PTGFR: variants seen among roughly 807,000 people sequenced by gnomAD.
The protein encoded by PTGFR is prostaglandin F2-alpha receptor.
PTGFR carries 15 observed loss-of-function variants against 26.2 expected under a neutral mutation model. The ratio of observed to expected loss-of-function variants is 0.57; its 90% confidence interval spans 0.38 to 0.88. The LOEUF (loss-of-function observed/expected upper bound fraction) is 0.88. Ranked by LOEUF, PTGFR falls within the 40% of genes least tolerant of loss-of-function variation. The pLI, the probability that PTGFR is intolerant of heterozygous loss-of-function variation, is 0.00. For missense variants in PTGFR, 369 were observed against 427.2 expected, an observed-to-expected ratio of 0.86 and a Z score of 1.20; for synonymous variants, 165 against 151.1, an observed-to-expected ratio of 1.09 and a Z score of -0.68.
intron 2 of PTGFR, among the ~76,000 whole-genome samples, chr1:78,522,993 T>G (rs1270722310): frequency 6.6e-6 from 1 of 152,108 alleles, no homozygotes; most frequent in African/African-American, 2.4e-5. Context: ...TACTTTGTAA[T>G]CTTCTTTATT....
At chr1:78,517,825 G>A (rs957573422) in intron 2 of PTGFR, among the ~76,000 whole-genome samples, 1 of 152,142 alleles carries the variant, frequency 6.6e-6, no homozygotes, top group Non-Finnish European at 1.5e-5. Flanking sequence ...ATCATTTTGG[G>A]TGCTTTGTAG....
Position 78,492,856 on chromosome 1 carries a change from C to T in PTGFR, c.113C>T (p.Thr38Ile). ...GTATTTTTTTCAGTAATCTTCATGA[C>T]AGTGGGAATCTTGTCAAACAGCCTT... Reference protein sequence around the residue: ...LSVFFSVIFMTVGILSNSLAI... With the variant: ...LSVFFSVIFMIVGILSNSLAI... The change falls in exon 2 of 3, where the codon ACA becomes ATA. Residue 38 changes from threonine to isoleucine, a missense_variant. Coordinates refer to ENST00000370757, the MANE Select transcript of PTGFR (RefSeq NM_000959.4). 6.2e-7 allele frequency: 1 copy of T among 1,614,212 alleles called. No individual in the cohort carries two copies. Among genetic ancestry groups the T allele is most frequent in the South Asian group, 1.1e-5 (1 of 91,082 alleles).
chr1:78,523,499 A>G (rs1557656385), intron 2 of PTGFR, among the ~76,000 whole-genome samples: 1 of 152,102 alleles, frequency 6.6e-6, no homozygotes, highest in Non-Finnish European at 1.5e-5. Context: ...AAGAAGTCTG[A>G]GCTGAAGAAT....
At chr1:78,532,700 C>T (rs1370243064) in intron 2 of PTGFR, among the ~76,000 whole-genome samples, 5 of 151,072 alleles carry the variant, frequency 3.3e-5, no homozygotes, top group Non-Finnish European at 5.9e-5. Flanking sequence ...CCTGAGTAGC[C>T]GGGACTACAG....
At position 78,531,799 on chromosome 1, in the gene PTGFR, T is replaced by A. The variant is rs1346275525; in HGVS notation, c.799-4607T>A. ...AAGTGTAGGAGTCTCTTCCTAATGA[T>A]GTTCTACAAAGTAGAGGAGTAGGAT... On this transcript the variant is annotated intron_variant, in intron 2 of 2. Coordinates refer to ENST00000370757, the MANE Select transcript of PTGFR (RefSeq NM_000959.4). Among the ~76,000 whole-genome samples the A allele has an allele frequency of 4.6e-5, 7 of 152,262 alleles. No homozygotes were observed. The East Asian group carries it at 1.2e-3, about 25-fold the overall frequency.
intron 2 of PTGFR, among the ~76,000 whole-genome samples, chr1:78,500,766 G>T (rs954821704): frequency 6.6e-6 from 1 of 152,226 alleles, no homozygotes; most frequent in African/African-American, 2.4e-5. Flanking sequence ...TTGGTTTACA[G>T]TGTTATTTGA....
intron 2 of PTGFR, among the ~76,000 whole-genome samples, chr1:78,526,513 C>T (rs1650377503): frequency 6.6e-6 from 1 of 152,000 alleles, no homozygotes; most frequent in Non-Finnish European, 1.5e-5. Context: ...AACATTTTGT[C>T]CTAAATCTTC....
chr1:78,528,061 C>G (rs1322928), intron 2 of PTGFR, among the ~76,000 whole-genome samples: 1 of 151,900 alleles, frequency 6.6e-6, no homozygotes, highest in Non-Finnish European at 1.5e-5. Flanking sequence ...CAGATTGGCA[C>G]TGAACTTTGT....
chr1:78,527,941 G>A (rs532889566), intron 2 of PTGFR, among the ~76,000 whole-genome samples: 1 of 152,206 alleles, frequency 6.6e-6, no homozygotes, highest in Non-Finnish European at 1.5e-5. Flanking sequence ...GTTTAATGGA[G>A]TCATGGCATA....
intron 2 of PTGFR, among the ~76,000 whole-genome samples, chr1:78,498,279 A>G (rs1441915018): frequency 6.6e-6 from 1 of 152,198 alleles, no homozygotes; most frequent in African/African-American, 2.4e-5. Context: ...ATGGAAATCT[A>G]TGTATGTGTC....
intron 2 of PTGFR, among the ~76,000 whole-genome samples, chr1:78,499,566 T>C (rs1557648361): frequency 6.6e-6 from 1 of 152,244 alleles, no homozygotes; most frequent in Admixed American, 6.5e-5. Context: ...GGTCAGGACC[T>C]GGTTGATAGC....
Position 78,540,146 on chromosome 1 carries a change from A to G in PTGFR, c.*3459A>G, listed in dbSNP as rs931461152. The stretch of plus-strand genomic sequence containing the variant: ...ACTCAGAGAACTCAGGTGAAAAAAC[A>G]GCCACCATTATATGTGGCTGTTTCT... On this transcript the variant is annotated 3_prime_UTR_variant, in exon 3 of 3. Transcript: ENST00000370757. Among the ~76,000 whole-genome samples the G allele has an allele frequency of 2.0e-5, 3 of 152,132 alleles. No individual in the cohort carries two copies. Among genetic ancestry groups the G allele is most frequent in the African/African-American group, 7.2e-5 (3 of 41,446 alleles).
rs1649460416 is a variant in PTGFR, at chr1:78,493,250, G to T, written c.507G>T (p.Leu169=). Residue 169 remains leucine (L), a synonymous_variant, in exon 2 of 3, where the codon CTG becomes CTT. Transcript: ENST00000370757. The part of the protein sequence containing the change: ...VCLFAVFIAL[L]PILGHRDYKI... The stretch of plus-strand genomic sequence containing the variant: ...TGTTTGCTGTTTTCATAGCTTTGCT[G>T]CCCATCCTTGGACATCGAGACTATA... The T allele has an allele frequency of 1.2e-6, 2 of 1,614,106 alleles. No homozygotes were observed. Among genetic ancestry groups the T allele is most frequent in the African/African-American group, 1.3e-5 (1 of 75,010 alleles).
chr1:78,524,507 CT>C (rs1650321551), intron 2 of PTGFR, among the ~76,000 whole-genome samples: 2 of 152,156 alleles, frequency 1.3e-5, no homozygotes. Context: ...ACATTAAGTT[CT>C]ATTTCAATGA....
intron 2 of PTGFR, among the ~76,000 whole-genome samples, chr1:78,512,304 A>G (rs1649991135): frequency 6.6e-6 from 1 of 152,194 alleles, no homozygotes; most frequent in Admixed American, 6.5e-5. Flanking sequence ...CTATAAATAA[A>G]TACCTGAGAC....
At chr1:78,533,364 C>T (rs1650568048) in intron 2 of PTGFR, among the ~76,000 whole-genome samples, 1 of 152,090 alleles carries the variant, frequency 6.6e-6, no homozygotes, top group Non-Finnish European at 1.5e-5. Context: ...TAATAACATC[C>T]CTAAGTAATT....
At chr1:78,532,312 C>T (rs913666780) in intron 2 of PTGFR, 5 of 220,822 alleles carry the variant, frequency 2.3e-5, no homozygotes, top group Admixed American at 5.8e-5. Flanking sequence ...CTGGCTCAGA[C>T]GTGACACCTG....
Position 78,492,905 on chromosome 1 carries a change from A to G in PTGFR, c.162A>G (p.Ala54=). Reference sequence around the variant, plus strand: ...TTGCCATCGCCATTCTCATGAAGGCATATCAGAGATTTAGACAGAAGTCCA... The same window carrying G: ...TTGCCATCGCCATTCTCATGAAGGCGTATCAGAGATTTAGACAGAAGTCCA... The part of the protein sequence containing the change: ...NSLAIAILMK[A]YQRFRQKSKA... The change falls in exon 2 of 3, where the codon GCA becomes GCG. Residue 54 remains alanine, a synonymous_variant. Transcript: ENST00000370757. The G allele has an allele frequency of 3.1e-6, 5 of 1,614,246 alleles. No individual in the cohort carries two copies. Among genetic ancestry groups the G allele is most frequent in the African/African-American group, 2.7e-5 (2 of 75,070 alleles).
intron 2 of PTGFR, among the ~76,000 whole-genome samples, chr1:78,498,825 A>T (rs1416024371): frequency 6.6e-6 from 1 of 152,178 alleles, no homozygotes; most frequent in African/African-American, 2.4e-5. Context: ...ATATTTTCAT[A>T]AATCATTTTA....
Sources: allele counts gnomAD v4.1 joint callset (sites outside exome capture counted in the v4.1 genomes callset), GRCh38; gene constraint gnomAD v4.1.1; transcripts MANE v1.5; gene names NCBI Gene and HGNC (gene_info 2026-07-23, HGNC 2026-07-21).